Variants in KCNB2 observed in about 807,000 individuals in gnomAD.
KCNB2 encodes the protein delayed rectifier potassium channel protein.
A neutral mutation model predicts 61.5 loss-of-function variants in KCNB2; 15 were observed. That is an observed-to-expected ratio of 0.24 (90% CI 0.16 to 0.38). The LOEUF is 0.38. Ranked by LOEUF, KCNB2 falls within the 10% of genes least tolerant of loss-of-function variation. The pLI, the probability that KCNB2 is intolerant of heterozygous loss-of-function variation, is 1.00. For missense variants in KCNB2, 828 were observed against 1,125.2 expected (o/e 0.74, Z 3.78); for synonymous variants, 457 against 446.0 (o/e 1.02, Z -0.31).
intron 2 of KCNB2, among the ~76,000 whole-genome samples, chr8:72,882,912 C>G (rs1015761333): frequency 2.6e-5 from 4 of 152,138 alleles, no homozygotes; most frequent in African/African-American, 4.8e-5. Context: ...GATGACACAG[C>G]CTCATTTCCA....
chr8:72,701,293 A>G (rs1428980975), intron 2 of KCNB2, among the ~76,000 whole-genome samples: 1 of 152,216 alleles, frequency 6.6e-6, no homozygotes, highest in Admixed American at 6.6e-5. Context: ...AACCAAAACC[A>G]AACAGGCACT....
rs369567601 is a variant in KCNB2, at chr8:72,771,688, G to T, written c.580-164247G>T. ...GCGCAGAGACCAAGGAAACCTCTGG[G>T]ATCAGACAAGTGCAAGCAGAGGGTG... On this transcript the variant is annotated intron_variant, in intron 2 of 2. Transcript: ENST00000523207. Among the ~76,000 whole-genome samples the T allele has an allele frequency of 2.0e-3, 301 of 152,234 alleles. 2 individuals carry two copies. The highest frequency in any genetic ancestry group is 7.0e-3 in the African/African-American group (291 of 41,540).
At chr8:72,562,364 G>A (rs1282421132) in intron 1 of KCNB2, among the ~76,000 whole-genome samples, 3 of 152,066 alleles carry the variant, frequency 2.0e-5, no homozygotes, top group South Asian at 2.1e-4. Context: ...GGCCCTGAGC[G>A]GGTGGCAGCA....
chr8:72,782,311 C>G (rs1808772738), intron 2 of KCNB2, among the ~76,000 whole-genome samples: 1 of 151,990 alleles, frequency 6.6e-6, no homozygotes, highest in Non-Finnish European at 1.5e-5. Flanking sequence ...AGGGTAAACG[C>G]ACCTGATAGC....
intron 2 of KCNB2, among the ~76,000 whole-genome samples, chr8:72,897,866 C>T (rs138773054): frequency 0.012 from 1,784 of 152,164 alleles, 31 homozygotes; most frequent in African/African-American, 0.04. Flanking sequence ...ATTTTGACTT[C>T]TTGGGTGCAC....
At chr8:72,859,966 G>A (rs1388529284) in intron 2 of KCNB2, among the ~76,000 whole-genome samples, 1 of 151,706 alleles carries the variant, frequency 6.6e-6, no homozygotes, top group Non-Finnish European at 1.5e-5. Context: ...TGATCCACCC[G>A]CCTTGGCCTC....
chr8:72,620,371 T>A (rs1408094943), intron 2 of KCNB2, among the ~76,000 whole-genome samples: 1 of 152,190 alleles, frequency 6.6e-6, no homozygotes, highest in African/African-American at 2.4e-5. Context: ...CAAACCTGGG[T>A]CCCTCTTCTG....
intron 2 of KCNB2, among the ~76,000 whole-genome samples, chr8:72,571,171 C>T (rs988088668): frequency 2.6e-5 from 4 of 152,088 alleles, no homozygotes; most frequent in Non-Finnish European, 2.9e-5. Flanking sequence ...TTCTTTGATA[C>T]GAAATAAAAT....
chr8:72,593,105 G>C (rs780373234), intron 2 of KCNB2, among the ~76,000 whole-genome samples: 3 of 152,122 alleles, frequency 2.0e-5, no homozygotes, highest in Non-Finnish European at 4.4e-5. Flanking sequence ...TGAGTATTTG[G>C]CATGCCTGAT....
intron 2 of KCNB2, among the ~76,000 whole-genome samples, chr8:72,927,207 G>A (rs898722813): frequency 1.3e-5 from 2 of 151,950 alleles, no homozygotes; most frequent in African/African-American, 2.4e-5. Context: ...ACTACACCGA[G>A]TACCCTTCAG....
At chr8:72,745,623 T>G (rs1035374654) in intron 2 of KCNB2, among the ~76,000 whole-genome samples, 1 of 152,188 alleles carries the variant, frequency 6.6e-6, no homozygotes, top group African/African-American at 2.4e-5. Context: ...TGCAGCGATT[T>G]GCCAACCATG....
chr8:72,913,035 A>G (rs1316964545), intron 2 of KCNB2, among the ~76,000 whole-genome samples: 1 of 152,196 alleles, frequency 6.6e-6, no homozygotes, highest in East Asian at 1.9e-4. Flanking sequence ...AAGGGGGTTT[A>G]TCTTGAAAAT....
chr8:72,559,293 C>T (rs974314588), intron 1 of KCNB2, among the ~76,000 whole-genome samples: 7 of 151,840 alleles, frequency 4.6e-5, no homozygotes, highest in Middle Eastern at 3.4e-3. Flanking sequence ...TACAGGTGCG[C>T]GCTACTACAC....
At chr8:72,715,155 G>A (rs1329411332) in intron 2 of KCNB2, among the ~76,000 whole-genome samples, 25 of 152,090 alleles carry the variant, frequency 1.6e-4, no homozygotes, top group African/African-American at 5.6e-4. Context: ...ACGCAGATTC[G>A]TAAAGCAAGT....
At chr8:72,600,175 A>G (rs1406140435) in intron 2 of KCNB2, among the ~76,000 whole-genome samples, 1 of 152,180 alleles carries the variant, frequency 6.6e-6, no homozygotes, top group Non-Finnish European at 1.5e-5. Flanking sequence ...TCACAATAGC[A>G]AAGACTTGGA....
At chr8:72,890,611 TGC>T (rs1563414942) in intron 2 of KCNB2, among the ~76,000 whole-genome samples, 1 of 152,160 alleles carries the variant, frequency 6.6e-6, no homozygotes, top group Non-Finnish European at 1.5e-5. Flanking sequence ...AAAGTAAATG[TGC>T]ATAAACTTTG....
At chr8:72,934,485 G>A (rs1206377115) in intron 2 of KCNB2, among the ~76,000 whole-genome samples, 1 of 151,434 alleles carries the variant, frequency 6.6e-6, no homozygotes, top group African/African-American at 2.4e-5. Context: ...AATTTAGAGA[G>A]ATTAAAAAGA....
At chr8:72,563,995 C>A (rs1479975062) in intron 1 of KCNB2, among the ~76,000 whole-genome samples, 1 of 152,164 alleles carries the variant, frequency 6.6e-6, no homozygotes, top group South Asian at 2.1e-4. Flanking sequence ...TTTTCTCTAT[C>A]CCTGCTATGA....
intron 2 of KCNB2, among the ~76,000 whole-genome samples, chr8:72,645,959 A>G (rs983183506): frequency 1.3e-5 from 2 of 152,130 alleles, no homozygotes; most frequent in Non-Finnish European, 2.9e-5. Context: ...TGCCACTGAA[A>G]TGTCAATTGA....
Sources: gnomAD v4.1 joint callset for allele counts (sites outside exome capture counted in the v4.1 genomes callset) on GRCh38, gnomAD v4.1.1 for gene constraint, MANE v1.5 for transcripts, NCBI Gene and HGNC (gene_info 2026-07-23, HGNC 2026-07-21) for gene names.